Variants in ZNF618 observed in about 807,000 individuals in gnomAD.
ZNF618 encodes the protein neural precursor cell expressed, developmentally down-regulated 10.
Under a neutral mutation model 103.0 loss-of-function variants are expected in ZNF618, and 34 were observed. That is an observed-to-expected ratio of 0.33 (90% CI 0.25 to 0.44). The LOEUF (loss-of-function observed/expected upper bound fraction) is 0.44, where lower values mean the gene tolerates loss of function less well. Among genes scored for constraint, ZNF618 ranks in the 20% least tolerant of loss-of-function variants. The pLI is 1.00. For synonymous variants in ZNF618, 551 were observed against 542.2 expected (o/e 1.02, Z -0.23); for missense variants, 1,059 against 1,295.4 (o/e 0.82, Z 2.80).
chr9:114,029,115 C>T, intron 11 of ZNF618, 143 bp downstream of exon 11: 1 of 1,249,428 alleles, frequency 8.0e-7, no homozygotes, highest in Admixed American at 2.6e-5. Flanking sequence ...TGAGTCCCAG[C>T]TCTGCCTCTG....
chr9:113,988,337 A>C lies in ZNF618; in HGVS notation c.94A>C (p.Ser32Arg), dbSNP rs762723672. 1 of 1,612,606 alleles carries C rather than the reference A, an allele frequency of 6.2e-7. No homozygotes were observed. The highest frequency in any genetic ancestry group is 2.2e-5 in the East Asian group (1 of 44,862). The part of the protein sequence containing the change: ...STASRERLKR[S>R]QKSTKVEGPE... ...CTTTCCCAGGGAGCGCTTGAAGCGC[A>C]GCCAGAAGAGCACCAAGGTGGAGGG... The change falls in exon 3 of 15, where the codon AGC (serine) becomes CGC (arginine). Residue 32 changes from serine (S) to arginine (R), a missense_variant. By Grantham distance (110) the Ser-to-Arg change is moderately radical. Around this residue, in one of 6 missense-constraint regions of ZNF618, gnomAD observed 194 missense variants for 209.0 expected, o/e 0.93. Coordinates refer to ENST00000374126, the MANE Select transcript of ZNF618 (RefSeq NM_001318042.2).
chr9:114,033,671 C>T (rs1218227658), intron 12 of ZNF618, among the ~76,000 whole-genome samples: 2 of 152,152 alleles, frequency 1.3e-5, no homozygotes, highest in Non-Finnish European at 2.9e-5. Context: ...CACCAGCAGC[C>T]TCTGTCCGAG....
chr9:113,920,829 A>T (rs1349287456), intron 1 of ZNF618, among the ~76,000 whole-genome samples: 3 of 152,258 alleles, frequency 2.0e-5, no homozygotes, highest in Admixed American at 2.0e-4. Context: ...AGTTTGTGAT[A>T]GTATCAATAG....
Position 113,998,287 on chromosome 9 carries a change from C to T in ZNF618, c.366C>T (p.His122=), listed in dbSNP as rs925854801. Residue 122 remains histidine, a synonymous_variant, in exon 4 of 15, where the codon CAC becomes CAT. Transcript: ENST00000374126. ...LDGKAPEGSP[H]GGSVRSRYSG... ...GAAAAGCGCCCGAAGGCAGCCCCCA[C>T]GGTGGATCTGTGCGAAGCCGGTATT... The T allele has an allele frequency of 1.0e-5, 16 of 1,550,484 alleles. No homozygotes were observed. The highest frequency in any genetic ancestry group is 2.4e-5 in the East Asian group (1 of 40,932).
In ZNF618 at chr9:113,959,972, A is replaced by G. The variant is rs556741842; in HGVS notation, c.34-9145A>G. On this transcript the variant is annotated intron_variant, in intron 1 of 14. Transcript: ENST00000374126. Reference sequence around the variant, plus strand: ...TGGAGGTGAATTCTTCTATTCTTCCATCTCTCCCAGGGGCCCAGGTCTGTG... The same window carrying G: ...TGGAGGTGAATTCTTCTATTCTTCCGTCTCTCCCAGGGGCCCAGGTCTGTG... 3.3e-5 allele frequency among the ~76,000 whole-genome samples: 5 copies of G among 152,186 alleles called. No homozygotes were observed. In the South Asian group the frequency reaches 1.0e-3, roughly 32 times the overall value.
At position 114,055,103 on chromosome 9, in the gene ZNF618, T is replaced by C. The variant is rs1478337657; in HGVS notation, c.*4936T>C. ...CTTGACTCTTCAAACCAAAATTCCT[T>C]AAAGGGGCACAGCCCAGCCTTGTCC... On this transcript the variant is annotated 3_prime_UTR_variant, in exon 15 of 15. Coordinates refer to ENST00000374126, the MANE Select transcript of ZNF618 (RefSeq NM_001318042.2). The C allele has an allele frequency of 6.6e-6, 1 of 152,190 alleles. No individual in the cohort carries two copies. The allele number at this position is 152,190 out of a possible 1,614,324, so 9.4% of individuals were successfully genotyped here.
At chr9:113,991,029 G>A (rs909058548) in intron 3 of ZNF618, among the ~76,000 whole-genome samples, 6 of 152,192 alleles carry the variant, frequency 3.9e-5, no homozygotes, top group Non-Finnish European at 8.8e-5. Context: ...CCCTTCACCA[G>A]GAGATGCCCA....
intron 1 of ZNF618, among the ~76,000 whole-genome samples, chr9:113,899,507 C>T (rs1459856605): frequency 6.6e-6 from 1 of 152,198 alleles, no homozygotes; most frequent in African/African-American, 2.4e-5. Flanking sequence ...GGAGCGCGAA[C>T]CCTATTGTGA....
chr9:113,974,502 C>T (rs191265134), intron 2 of ZNF618, among the ~76,000 whole-genome samples: 9 of 152,224 alleles, frequency 5.9e-5, no homozygotes, highest in Admixed American at 5.9e-4. Flanking sequence ...TTCTGGCTGC[C>T]AGGAGGATGA....
chr9:113,988,783 C>A (rs1839739567), intron 3 of ZNF618, among the ~76,000 whole-genome samples: 1 of 152,228 alleles, frequency 6.6e-6, no homozygotes, highest in African/African-American at 2.4e-5. Flanking sequence ...GCTTCTGTTT[C>A]TGCTGGGCAG....
chr9:114,000,008 C>T (rs566320148), intron 4 of ZNF618, among the ~76,000 whole-genome samples: 1 of 152,210 alleles, frequency 6.6e-6, no homozygotes, highest in Admixed American at 6.5e-5. Context: ...TCGCTGTGTG[C>T]CAATCACAGG....
intron 1 of ZNF618, among the ~76,000 whole-genome samples, chr9:113,931,956 T>C (rs1833626694): frequency 6.6e-6 from 1 of 152,206 alleles, no homozygotes; most frequent in African/African-American, 2.4e-5. Flanking sequence ...GATTGATTCA[T>C]TCATTTGTGA....
chr9:113,910,593 G>C (rs896243838), intron 1 of ZNF618, among the ~76,000 whole-genome samples: 1 of 152,180 alleles, frequency 6.6e-6, no homozygotes, highest in Admixed American at 6.5e-5. Context: ...CCTCAGGGTT[G>C]TTTCCTCTTC....
chr9:114,002,113 C>T (rs749188249), intron 5 of ZNF618, 40 bp downstream of exon 5: 4 of 1,576,276 alleles, frequency 2.5e-6, no homozygotes, highest in South Asian at 1.1e-5. Context: ...AGGGGCCGCA[C>T]CTCCCACTGT....
intron 13 of ZNF618, among the ~76,000 whole-genome samples, chr9:114,039,481 G>T (rs1420270263): frequency 1.7e-4 from 26 of 151,922 alleles, no homozygotes; most frequent in Non-Finnish European, 1.5e-5. Flanking sequence ...CTCCCTAGTA[G>T]CTGGGATTAC....
At chr9:113,916,879 A>G (rs1447727145) in intron 1 of ZNF618, among the ~76,000 whole-genome samples, 2 of 152,224 alleles carry the variant, frequency 1.3e-5, no homozygotes, top group Non-Finnish European at 2.9e-5. Flanking sequence ...CAGCAATGGT[A>G]CCTTCTTAAG....
chr9:113,925,179 C>A (rs1049054806), intron 1 of ZNF618, among the ~76,000 whole-genome samples: 1 of 152,010 alleles, frequency 6.6e-6, no homozygotes, highest in African/African-American at 2.4e-5. Flanking sequence ...TATTTTGTTT[C>A]TGTGTTAGGT....
intron 1 of ZNF618, among the ~76,000 whole-genome samples, chr9:113,968,054 T>C (rs1332392336): frequency 6.6e-6 from 1 of 152,212 alleles, no homozygotes; most frequent in Non-Finnish European, 1.5e-5. Flanking sequence ...AGGTCCTCAG[T>C]CCTTCATCCG....
intron 9 of ZNF618, among the ~76,000 whole-genome samples, chr9:114,011,862 C>A (rs555529341): frequency 1.3e-5 from 2 of 152,202 alleles, no homozygotes; most frequent in Non-Finnish European, 1.5e-5. Context: ...TGGGTTAACT[C>A]GCTCTTCATC....
Sources: allele counts gnomAD v4.1 joint callset (sites outside exome capture counted in the v4.1 genomes callset), GRCh38; gene constraint gnomAD v4.1.1; regional missense constraint gnomAD v4.1.1; transcripts MANE v1.5; gene names NCBI Gene and HGNC (gene_info 2026-07-23, HGNC 2026-07-21).